Variants in GRM8 observed in about 807,000 individuals in gnomAD.
The protein encoded by GRM8 is metabotropic glutamate receptor 8.
GRM8 carries 47 observed loss-of-function variants against 87.2 expected under a neutral mutation model. The ratio of observed to expected loss-of-function variants is 0.54; its 90% CI spans 0.43 to 0.69. The LOEUF (loss-of-function observed/expected upper bound fraction) is 0.69. GRM8 is among the 30% of genes least tolerant of loss of function. The pLI is 0.00. For missense variants in GRM8, 1,019 were observed against 1,139.2 expected (o/e 0.89, Z 1.52); for synonymous variants, 396 against 404.5 (o/e 0.98, Z 0.25).
chr7:126,920,033 C>T lies in GRM8; in HGVS notation c.728-15350G>A, dbSNP rs1804351288. On this transcript the variant is annotated intron_variant, in intron 3 of 10. Transcript: ENST00000339582. ...TGCCCCTCTGATGTGATAGTATTAC[C>T]TTTAGGAGGTAATGAGGTTTAGATG... 3.3e-5 allele frequency among the ~76,000 whole-genome samples: 5 copies of T among 152,066 alleles called. No individual in the cohort carries two copies. The South Asian group carries it at 8.3e-4, about 25-fold the overall frequency.
chr7:126,950,402 A>AT (rs1808007326), intron 3 of GRM8, among the ~76,000 whole-genome samples: 4 of 152,226 alleles, frequency 2.6e-5, no homozygotes, highest in Admixed American at 2.0e-4. Flanking sequence ...TAAGTATAGA[A>AT]AATTATCTGG....
At chr7:126,458,057 G>C (rs767428771) in intron 9 of GRM8, among the ~76,000 whole-genome samples, 1 of 147,404 alleles carries the variant, frequency 6.8e-6, no homozygotes, top group Non-Finnish European at 1.5e-5. Flanking sequence ...TAAAGTTTAA[G>C]AGCAACTTAG....
chr7:127,015,001 A>AAAGAAG (rs538403014), intron 3 of GRM8, among the ~76,000 whole-genome samples: 2,628 of 59,616 alleles, frequency 0.044, 176 homozygotes, highest in East Asian at 0.082. Flanking sequence ...GAAGAAGAAG[A>AAAGAAG]AAGAAGAAGA....
chr7:126,597,967 G>A (rs1797370109), intron 8 of GRM8, among the ~76,000 whole-genome samples: 1 of 151,924 alleles, frequency 6.6e-6, no homozygotes, highest in Admixed American at 6.6e-5. Flanking sequence ...ATACAATAAA[G>A]TATTGTTAAC....
intron 2 of GRM8, among the ~76,000 whole-genome samples, chr7:127,109,894 T>A (rs187246513): frequency 2.4e-4 from 37 of 152,290 alleles, no homozygotes; most frequent in African/African-American, 8.7e-4. Flanking sequence ...TTCCCTATCC[T>A]GCCAAAGACC....
At chr7:126,943,640 G>T (rs10276160) in intron 3 of GRM8, among the ~76,000 whole-genome samples, 8,404 of 152,234 alleles carry the variant, frequency 0.055, 491 homozygotes, top group African/African-American at 0.14. Flanking sequence ...AGCTCTTGGG[G>T]TGATTCAAGG....
intron 2 of GRM8, among the ~76,000 whole-genome samples, chr7:127,163,605 A>G (rs1036461906): frequency 4.6e-5 from 7 of 152,174 alleles, no homozygotes; most frequent in African/African-American, 1.7e-4. Context: ...TAAGAATGAT[A>G]CTGTGATTAT....
At chr7:126,736,409 GC>G (rs971076947) in intron 7 of GRM8, among the ~76,000 whole-genome samples, 1 of 151,902 alleles carries the variant, frequency 6.6e-6, no homozygotes, top group Non-Finnish European at 1.5e-5. Flanking sequence ...ACAAGCAAAA[GC>G]ATTTCCATTT....
chr7:127,221,964 T>C (rs1174595989), intron 2 of GRM8, among the ~76,000 whole-genome samples: 4 of 152,226 alleles, frequency 2.6e-5, no homozygotes, highest in Admixed American at 6.5e-5. Flanking sequence ...CAGTGAATCA[T>C]CAAGCTGAGG....
chr7:126,895,590 A>C (rs978745234), intron 6 of GRM8, among the ~76,000 whole-genome samples: 7 of 152,120 alleles, frequency 4.6e-5, no homozygotes, highest in African/African-American at 1.4e-4. Context: ...AGAATGAATA[A>C]ATGAGTAAAC....
intron 7 of GRM8, among the ~76,000 whole-genome samples, chr7:126,730,145 T>C (rs1213081417): frequency 6.6e-6 from 1 of 152,160 alleles, no homozygotes; most frequent in Non-Finnish European, 1.5e-5. Flanking sequence ...CAGACTATGA[T>C]GTAAGACTCA....
At chr7:126,499,545 T>C (rs1562886709) in intron 9 of GRM8, among the ~76,000 whole-genome samples, 1 of 151,900 alleles carries the variant, frequency 6.6e-6, no homozygotes, top group Admixed American at 6.6e-5. Context: ...TTCACAATAG[T>C]CAACCTAAGT....
At chr7:126,578,848 A>G (rs1048455487) in intron 8 of GRM8, among the ~76,000 whole-genome samples, 1 of 152,274 alleles carries the variant, frequency 6.6e-6, no homozygotes, top group East Asian at 1.9e-4. Flanking sequence ...AAGAGGAAAA[A>G]AAAAGAACTT....
chr7:126,639,376 C>CAAATA (rs1483550838), intron 7 of GRM8, among the ~76,000 whole-genome samples: 2 of 152,164 alleles, frequency 1.3e-5, no homozygotes, highest in African/African-American at 2.4e-5. Context: ...TTATTTCCAG[C>CAAATA]AGTGTGGGGT....
chr7:126,506,204 C>T (rs74527351), intron 9 of GRM8, among the ~76,000 whole-genome samples: 9,468 of 151,894 alleles, frequency 0.062, 410 homozygotes, highest in Non-Finnish European at 0.087. Context: ...AATTCCACTG[C>T]GTATATGTGT....
At chr7:127,165,286 C>T (rs988394132) in intron 2 of GRM8, among the ~76,000 whole-genome samples, 3 of 149,742 alleles carry the variant, frequency 2.0e-5, no homozygotes, top group Admixed American at 1.3e-4. Flanking sequence ...CTGGGATGCC[C>T]TTTCTAAAAG....
chr7:126,644,048 G>A (rs1372307756), intron 7 of GRM8, among the ~76,000 whole-genome samples: 1 of 152,220 alleles, frequency 6.6e-6, no homozygotes, highest in Non-Finnish European at 1.5e-5. Context: ...TTAATGTAGA[G>A]TTTCGTCTTT....
intron 2 of GRM8, among the ~76,000 whole-genome samples, chr7:127,111,898 G>A (rs767537021): frequency 2.0e-5 from 3 of 151,832 alleles, no homozygotes; most frequent in Admixed American, 1.3e-4. Context: ...CATAGTGGTG[G>A]GCACCTGTAA....
chr7:127,210,740 G>A (rs981548499), intron 2 of GRM8, among the ~76,000 whole-genome samples: 2 of 152,162 alleles, frequency 1.3e-5, no homozygotes, highest in African/African-American at 2.4e-5. Context: ...CAAGACACCA[G>A]GGGAACACTG....
Sources: gnomAD v4.1 joint callset for allele counts (sites outside exome capture counted in the v4.1 genomes callset) on GRCh38, gnomAD v4.1.1 for gene constraint, MANE v1.5 for transcripts, NCBI Gene and HGNC (gene_info 2026-07-23, HGNC 2026-07-21) for gene names.